Variants in ANTXR1 observed in about 807,000 individuals in gnomAD.
The protein encoded by ANTXR1 is ANTXR cell adhesion molecule 1.
ANTXR1 carries 19 observed loss-of-function variants against 78.1 expected under a neutral mutation model. That is an observed-to-expected ratio of 0.24 (90% CI 0.17 to 0.36). The LOEUF (loss-of-function observed/expected upper bound fraction) is 0.36, where lower values mean the gene tolerates loss of function less well. ANTXR1 is among the 10% of genes least tolerant of loss of function. The pLI is 1.00. For missense variants in ANTXR1, 518 were observed against 718.6 expected (o/e 0.72, Z 3.19); for synonymous variants, 273 against 260.5 (o/e 1.05, Z -0.46).
chr2:69,171,587 G>A (rs1170531764), intron 14 of ANTXR1, among the ~76,000 whole-genome samples: 4 of 152,320 alleles, frequency 2.6e-5, no homozygotes, highest in African/African-American at 9.6e-5. Flanking sequence ...CAGTTAGAAG[G>A]GTTGTGGCTT....
chr2:69,062,455 G>A (rs1271100719), intron 3 of ANTXR1, among the ~76,000 whole-genome samples: 2 of 152,168 alleles, frequency 1.3e-5, no homozygotes, highest in Non-Finnish European at 2.9e-5. Flanking sequence ...CAAAGGCAGG[G>A]CAGGGCAAAA....
At chr2:69,024,239 T>C (rs1671279213) in intron 1 of ANTXR1, among the ~76,000 whole-genome samples, 1 of 152,136 alleles carries the variant, frequency 6.6e-6, no homozygotes, top group Non-Finnish European at 1.5e-5. Context: ...AGTCTGAACA[T>C]GTAGGGCATG....
intron 9 of ANTXR1, among the ~76,000 whole-genome samples, chr2:69,097,516 G>T (rs1192958294): frequency 6.6e-6 from 1 of 152,184 alleles, no homozygotes; most frequent in Non-Finnish European, 1.5e-5. Context: ...ACTTTTCATT[G>T]TTTTTCGAAG....
intron 5 of ANTXR1, among the ~76,000 whole-genome samples, chr2:69,072,102 G>A (rs541015650): frequency 4.6e-4 from 70 of 152,260 alleles, no homozygotes; most frequent in Non-Finnish European, 7.8e-4. Context: ...GGTTAGTAAA[G>A]TCTTGGATTT....
chr2:69,216,413 A>C (rs1675176772), intron 17 of ANTXR1, among the ~76,000 whole-genome samples: 1 of 152,144 alleles, frequency 6.6e-6, no homozygotes, highest in African/African-American at 2.4e-5. Flanking sequence ...ACATACACAC[A>C]TGCATATACA....
At position 69,044,742 on chromosome 2, in the gene ANTXR1, C is replaced by T. The variant is rs750660298; in HGVS notation, c.225C>T (p.Ser75=). 6 of 1,613,640 alleles carry T rather than the reference C, an allele frequency of 3.7e-6. No homozygotes were observed. In the South Asian group the frequency reaches 5.5e-5, roughly 15 times the overall value. ...TAATAGAGCTTCTTTTCCTTTCCAG[C>T]CCACAGTTGAGAATGTCCTTTATTG... The part of the protein sequence containing the change: ...FVEQLAHKFI[S]PQLRMSFIVF... The change falls in exon 3 of 18, where the codon AGC becomes AGT. Residue 75 remains serine (S), a splice_region_variant and synonymous_variant. Transcript: ENST00000303714.
At chr2:69,115,110 G>T (rs1285620172) in intron 10 of ANTXR1, among the ~76,000 whole-genome samples, 1 of 152,178 alleles carries the variant, frequency 6.6e-6, no homozygotes, top group Non-Finnish European at 1.5e-5. Flanking sequence ...CACCATCCCT[G>T]GTCTCTACCC....
intron 1 of ANTXR1, among the ~76,000 whole-genome samples, chr2:69,017,353 T>C (rs12468867): frequency 0.13 from 20,324 of 152,138 alleles, 1,530 homozygotes; most frequent in African/African-American, 0.19. Context: ...ATCCTTTCGC[T>C]GGCAAGACAC....
chr2:69,162,073 A>T (rs1200995934), intron 13 of ANTXR1, among the ~76,000 whole-genome samples: 2 of 152,184 alleles, frequency 1.3e-5, no homozygotes, highest in Non-Finnish European at 2.9e-5. Flanking sequence ...ACTCCACAGC[A>T]AAAGAAAAAC....
At chr2:69,216,497 G>A (rs193032410) in intron 17 of ANTXR1, among the ~76,000 whole-genome samples, 260 of 151,450 alleles carry the variant, frequency 1.7e-3, no homozygotes, top group Admixed American at 8.2e-3. Context: ...ACATGTACAC[G>A]CACACACACG....
At chr2:69,118,246 C>CAAAAAAAAAA (rs61565815) in intron 10 of ANTXR1, among the ~76,000 whole-genome samples, 9 of 94,908 alleles carry the variant, frequency 9.5e-5, no homozygotes, top group African/African-American at 2.2e-4. Context: ...CTTGTCTCTA[C>CAAAAAAAAAA]AAAAAAAAAA....
rs766951505 is a variant in ANTXR1, at chr2:69,245,280, TCAA to T, written c.1495_1497del (p.Asn499del). The T allele has an allele frequency of 6.2e-6, 10 of 1,613,504 alleles. No homozygotes were observed. The highest frequency in any genetic ancestry group is 7.6e-6 in the Non-Finnish European group (9 of 1,179,906). On this transcript the variant is annotated inframe_deletion, in exon 18 of 18. Transcript: ENST00000303714. ...AACAACCAGCCAGCCAAGTACCCAC[TCAA>T]CAACGCCTACCACACCTCCTCGCCG...
At chr2:69,112,477 G>T (rs1408189745) in intron 10 of ANTXR1, among the ~76,000 whole-genome samples, 1 of 152,200 alleles carries the variant, frequency 6.6e-6, no homozygotes, top group Admixed American at 6.5e-5. Context: ...GCCTGATTCA[G>T]AGATGCTGAT....
chr2:69,195,564 T>A (rs940809703), intron 17 of ANTXR1, among the ~76,000 whole-genome samples: 3 of 152,210 alleles, frequency 2.0e-5, no homozygotes, highest in African/African-American at 7.2e-5. Flanking sequence ...TCATCACATA[T>A]GGAATTTGAG....
intron 17 of ANTXR1, among the ~76,000 whole-genome samples, chr2:69,222,556 C>T (rs566149840): frequency 1.4e-4 from 21 of 152,298 alleles, no homozygotes; most frequent in African/African-American, 5.1e-4. Flanking sequence ...TTCATTTCCC[C>T]AGAGACCATT....
At chr2:69,177,313 C>T (rs554530177) in intron 14 of ANTXR1, among the ~76,000 whole-genome samples, 2 of 152,312 alleles carry the variant, frequency 1.3e-5, no homozygotes, top group Non-Finnish European at 2.9e-5. Context: ...AAAAGCCTGG[C>T]ATGATTGGGA....
chr2:69,244,769 C>T (rs1675973264), intron 17 of ANTXR1, among the ~76,000 whole-genome samples: 2 of 152,176 alleles, frequency 1.3e-5, no homozygotes, highest in Admixed American at 1.3e-4. Flanking sequence ...AAAGTAGCAG[C>T]AGGAAGAATA....
At chr2:69,161,102 G>A (rs567583553) in intron 13 of ANTXR1, among the ~76,000 whole-genome samples, 2 of 152,300 alleles carry the variant, frequency 1.3e-5, no homozygotes, top group South Asian at 2.1e-4. Flanking sequence ...CGTAACCCAG[G>A]CAGAGGCCAG....
At chr2:69,040,871 G>GGCCT (rs569638259) in intron 2 of ANTXR1, among the ~76,000 whole-genome samples, 54 of 152,236 alleles carry the variant, frequency 3.5e-4, no homozygotes, top group African/African-American at 1.2e-3. Context: ...TCATGCTGAT[G>GGCCT]GCCTCCATAG....
Sources: gnomAD v4.1 joint callset for allele counts (sites outside exome capture counted in the v4.1 genomes callset) on GRCh38, gnomAD v4.1.1 for gene constraint, MANE v1.5 for transcripts, NCBI Gene and HGNC (gene_info 2026-07-23, HGNC 2026-07-21) for gene names.